Variants in GPD1L observed in about 807,000 individuals in gnomAD.
GPD1L encodes glycerol-3-phosphate dehydrogenase 1 like.
In GPD1L, 17 loss-of-function variants were observed where a neutral mutation model predicts 32.9. The observed-to-expected ratio is 0.52, with a 90% confidence interval of 0.35 to 0.78. GPD1L has a LOEUF of 0.78. Ranked by LOEUF, GPD1L falls within the 30% of genes least tolerant of loss-of-function variation. The pLI is 0.01. For missense variants in GPD1L, 361 were observed against 447.8 expected (o/e 0.81, Z 1.75); for synonymous variants, 187 against 165.9 (o/e 1.13, Z -0.98).
At chr3:32,128,731 G>T (rs1222630092) in intron 2 of GPD1L, among the ~76,000 whole-genome samples, 3 of 152,108 alleles carry the variant, frequency 2.0e-5, no homozygotes, top group Non-Finnish European at 2.9e-5. Flanking sequence ...ACATTCTGAG[G>T]TACAGCCCAT....
At chr3:32,158,799 C>A (rs1701032945) in intron 5 of GPD1L, 77 bp from the exon 6 acceptor site, 2 of 1,566,024 alleles carry the variant, frequency 1.3e-6, no homozygotes, top group Non-Finnish European at 1.7e-6. Context: ...CCTGCCTCGG[C>A]ATCCCCCACC....
intron 2 of GPD1L, among the ~76,000 whole-genome samples, chr3:32,133,434 T>G (rs1162740043): frequency 6.6e-6 from 1 of 152,206 alleles, no homozygotes; most frequent in African/African-American, 2.4e-5. Context: ...AGGAAAATTC[T>G]TATAATACTA....
intron 2 of GPD1L, among the ~76,000 whole-genome samples, chr3:32,131,077 A>C (rs1009447192): frequency 1.3e-5 from 2 of 152,168 alleles, no homozygotes; most frequent in African/African-American, 4.8e-5. Flanking sequence ...TGTAATTGCA[A>C]AATGGTTGAT....
chr3:32,140,261 A>G lies in GPD1L; in HGVS notation c.400A>G (p.Ile134Val). Residue 134 changes from isoleucine (I) to valine (V), a missense_variant, in exon 4 of 8, where the codon ATT becomes GTT. Transcript: ENST00000282541. ...IDEGPEGLKLISDIIREKMGI... is the reference protein window; with the variant it reads ...IDEGPEGLKLVSDIIREKMGI... ...CGAGGGCCCCGAGGGGCTGAAGCTCATTTCTGACATCATCCGTGAGAAGAT... is the reference window on the plus strand; with the variant it reads ...CGAGGGCCCCGAGGGGCTGAAGCTCGTTTCTGACATCATCCGTGAGAAGAT... The G allele has an allele frequency of 5.0e-6, 8 of 1,614,084 alleles. No individual in the cohort carries two copies. The highest frequency in any genetic ancestry group is 6.8e-6 in the Non-Finnish European group (8 of 1,179,998).
chr3:32,164,407 G>GA (rs540086032), intron 7 of GPD1L, among the ~76,000 whole-genome samples: 156 of 152,306 alleles, frequency 1.0e-3, no homozygotes, highest in Non-Finnish European at 1.3e-3. Flanking sequence ...ATACAGTAGT[G>GA]AAAAAAACAG....
intron 2 of GPD1L, among the ~76,000 whole-genome samples, chr3:32,133,298 G>T (rs902784946): frequency 6.6e-6 from 1 of 152,188 alleles, no homozygotes; most frequent in Non-Finnish European, 1.5e-5. Context: ...AGATAAAAAT[G>T]AGAACAGCCT....
chr3:32,114,919 C>A (rs1008426498), intron 1 of GPD1L, among the ~76,000 whole-genome samples: 2 of 152,166 alleles, frequency 1.3e-5, no homozygotes, highest in African/African-American at 4.8e-5. Flanking sequence ...TCGCTTACTT[C>A]AGGAGTGAAG....
At chr3:32,110,314 T>G (rs535724446) in intron 1 of GPD1L, among the ~76,000 whole-genome samples, 3 of 152,356 alleles carry the variant, frequency 2.0e-5, no homozygotes, top group Non-Finnish European at 4.4e-5. Context: ...GAATGAGATT[T>G]TTTTTTCTGA....
rs1285935119 is a variant in GPD1L at position 32,118,487 on chromosome 3, C to T, written c.48-9589C>T. On this transcript the variant is annotated intron_variant, in intron 1 of 7. Transcript: ENST00000282541. The stretch of plus-strand genomic sequence containing the variant: ...CAGGGATATATTCACTGCTGGTCCA[C>T]GAACTGCACTTTTAATAGGATCTGA... 2.0e-5 allele frequency among the ~76,000 whole-genome samples: 3 copies of T among 152,194 alleles called. No individual in the cohort carries two copies. In the East Asian group the frequency reaches 5.8e-4, roughly 29 times the overall value.
intron 2 of GPD1L, among the ~76,000 whole-genome samples, chr3:32,136,751 G>T (rs571665120): frequency 6.6e-6 from 1 of 151,748 alleles, no homozygotes; most frequent in African/African-American, 2.4e-5. Context: ...TATTATTCTT[G>T]GTCCCATGTT....
intron 4 of GPD1L, among the ~76,000 whole-genome samples, chr3:32,144,349 T>A (rs1209650310): frequency 6.6e-6 from 1 of 152,192 alleles, no homozygotes; most frequent in African/African-American, 2.4e-5. Context: ...CCACAGACTC[T>A]GAGGCTTTTA....
rs2125483240 is a variant in GPD1L at position 32,135,436 on chromosome 3, G to T, written c.226-3151G>T. Among the ~76,000 whole-genome samples, 3 of 151,696 alleles carry T rather than the reference G, an allele frequency of 2.0e-5. No homozygotes were observed. In the South Asian group the frequency reaches 6.2e-4, roughly 32 times the overall value. On this transcript the variant is annotated intron_variant, in intron 2 of 7. Transcript: ENST00000282541. Reference sequence around the variant, plus strand: ...GCCAATTGTGGGTTGGCATCGAGAGGGTTGTTTTTTTGTTTGTTTTGTTTT... The same window carrying T: ...GCCAATTGTGGGTTGGCATCGAGAGTGTTGTTTTTTTGTTTGTTTTGTTTT...
In GPD1L at chr3:32,158,948, C is replaced by T. The variant is rs143486835; in HGVS notation, c.691C>T (p.Arg231Cys). The T allele has an allele frequency of 4.2e-5, 67 of 1,613,996 alleles. No homozygotes were observed. The highest frequency in any genetic ancestry group is 3.2e-4 in the Admixed American group (19 of 60,008). ...AGACAACACCAAAGCGGCCGTCATC[C>T]GCCTGGGACTCATGGAAATGATTGC... ...CGDNTKAAVI[R>C]LGLMEMIAFA... is the part of the protein sequence containing the mutation. Residue 231 changes from arginine to cysteine, a missense_variant, in exon 6 of 8, where the codon CGC (arginine) becomes TGC (cysteine). Physicochemically the swap from Arg to Cys is radical, Grantham distance 180 (BLOSUM62 -3). Coordinates refer to ENST00000282541, the MANE Select transcript of GPD1L (RefSeq NM_015141.4).
rs899692485 is a variant in GPD1L, at chr3:32,166,179, T to C, written c.*269T>C. On this transcript the variant is annotated 3_prime_UTR_variant, in exon 8 of 8. Coordinates refer to ENST00000282541, the MANE Select transcript of GPD1L (RefSeq NM_015141.4). Reference sequence around the variant, plus strand: ...ATGAGCCAAAATTTGATGTCTTTTTTTCAAAATTGCTTATGAAATTTCCAC... The same window carrying C: ...ATGAGCCAAAATTTGATGTCTTTTTCTCAAAATTGCTTATGAAATTTCCAC... 36 of 492,666 alleles carry C rather than the reference T, an allele frequency of 7.3e-5. No homozygotes were observed. Among genetic ancestry groups the C allele is most frequent in the Middle Eastern group, 4.7e-4 (1 of 2,126 alleles). 30.5% of individuals were successfully genotyped at this position (492,666 alleles called of 1,614,324 possible).
intron 5 of GPD1L, among the ~76,000 whole-genome samples, chr3:32,152,660 C>G (rs927461408): frequency 2.9e-4 from 44 of 152,076 alleles, no homozygotes; most frequent in African/African-American, 1.0e-3. Flanking sequence ...CTGTTAGGCC[C>G]CACCTCCCAA....
At chr3:32,163,558 T>A (rs545308885) in intron 7 of GPD1L, among the ~76,000 whole-genome samples, 1 of 152,346 alleles carries the variant, frequency 6.6e-6, no homozygotes, top group African/African-American at 2.4e-5. Context: ...CTGATCTAAT[T>A]GTCCTTTTAG....
At chr3:32,113,414 C>A (rs1331583982) in intron 1 of GPD1L, among the ~76,000 whole-genome samples, 5 of 152,094 alleles carry the variant, frequency 3.3e-5, no homozygotes, top group Non-Finnish European at 7.4e-5. Flanking sequence ...TCTCCTAAAT[C>A]TTGTCTCTGG....
intron 5 of GPD1L, among the ~76,000 whole-genome samples, chr3:32,148,394 C>A (rs2125491732): frequency 6.6e-6 from 1 of 152,216 alleles, no homozygotes; most frequent in South Asian, 2.1e-4. Context: ...GTGCCAGCTA[C>A]CTTGATGGAA....
At chr3:32,154,140 T>G (rs960375005) in intron 5 of GPD1L, among the ~76,000 whole-genome samples, 1 of 152,114 alleles carries the variant, frequency 6.6e-6, no homozygotes, top group African/African-American at 2.4e-5. Context: ...AATGAGGATT[T>G]CAAGATCTGT....
Sources: allele counts gnomAD v4.1 joint callset (sites outside exome capture counted in the v4.1 genomes callset), GRCh38; gene constraint gnomAD v4.1.1; transcripts MANE v1.5; gene names NCBI Gene and HGNC (gene_info 2026-07-23, HGNC 2026-07-21).